MADCAM1: variants seen among roughly 807,000 people sequenced by gnomAD.
The protein encoded by MADCAM1 is mucosal vascular addressin cell adhesion molecule 1.
In MADCAM1, 19 loss-of-function variants were observed where a neutral mutation model predicts 26.1. The ratio of observed to expected loss-of-function variants is 0.73; its 90% CI spans 0.51 to 1.07. The LOEUF is 1.07. Among genes scored for constraint, MADCAM1 ranks in the 50% least tolerant of loss-of-function variants. The pLI is 0.00. For missense variants in MADCAM1, 514 were observed against 542.1 expected (o/e 0.95, Z 0.51); for synonymous variants, 268 against 260.9 (o/e 1.03, Z -0.26).
Position 505,016 on chromosome 19 carries a change from T to G in MADCAM1, c.*51T>G, listed in dbSNP as rs777139660. ...GCAAAATAGCTTGGACCCCTTCAAG[T>G]TGAGAACTGGTCAGGGCAAACCTGC... On this transcript the variant is annotated 3_prime_UTR_variant, in exon 5 of 5. Coordinates refer to ENST00000215637, the MANE Select transcript of MADCAM1 (RefSeq NM_130760.3). 2.6e-5 allele frequency: 36 copies of G among 1,402,838 alleles called. No individual in the cohort carries two copies. The highest frequency in any genetic ancestry group is 3.6e-4 in the Middle Eastern group (2 of 5,532). The allele number at this position is 1,402,838 out of a possible 1,614,324, so 86.9% of individuals were successfully genotyped here.
intron 2 of MADCAM1, 94 bp from the exon 3 acceptor site, chr19:498,402 T>G: frequency 7.7e-7 from 1 of 1,301,638 alleles, no homozygotes; most frequent in Non-Finnish European, 9.9e-7. Context: ...CACGCATCCT[T>G]GGCCCCAGCT....
intron 3 of MADCAM1, among the ~76,000 whole-genome samples, chr19:501,358 G>A (rs1473562978): frequency 2.0e-5 from 3 of 151,168 alleles, no homozygotes; most frequent in Admixed American, 6.6e-5. Context: ...GGTGGCAAGC[G>A]CCTGTGATCC....
At chr19:499,636 C>T (rs1473712798) in intron 3 of MADCAM1, among the ~76,000 whole-genome samples, 1 of 152,236 alleles carries the variant, frequency 6.6e-6, no homozygotes. Context: ...CCCCCAGTCC[C>T]GTACATTCTC....
rs369277108 is a variant in MADCAM1 at position 503,357 on chromosome 19, G to T, written c.929-1388G>T. On this transcript the variant is annotated intron_variant, in intron 4 of 4. Coordinates refer to ENST00000215637, the MANE Select transcript of MADCAM1 (RefSeq NM_130760.3). ...TGCACTTTGGGAGGCCAAGGCGGGC[G>T]GATCACGAGGTCAGGAGATCGAGAC... Among the ~76,000 whole-genome samples the T allele has an allele frequency of 4.6e-5, 7 of 151,374 alleles. No individual in the cohort carries two copies. In the East Asian group the frequency reaches 5.9e-4, roughly 13 times the overall value.
intron 4 of MADCAM1, among the ~76,000 whole-genome samples, chr19:503,770 C>G (rs548648473): frequency 1.3e-5 from 2 of 151,860 alleles, no homozygotes; most frequent in African/African-American, 4.8e-5. Context: ...AAGTGTTGGC[C>G]AGACACGGTG....
rs374689202 is a variant in MADCAM1 at position 504,775 on chromosome 19, C to T, written c.959C>T (p.Ala320Val). The change falls in exon 5 of 5, where the codon GCG (alanine) becomes GTG (valine). Residue 320 changes from alanine (A) to valine (V), a missense_variant. Ala to Val is a moderately conservative substitution (Grantham distance 64). Transcript: ENST00000215637. ...AAACCTGCGGGTGACCAGCTGCCCG[C>T]GGCTCTGTGGACCAGCAGTGCGGTG... ...SSKPAGDQLP[A>V]ALWTSSAVLG... 5.6e-6 allele frequency: 9 copies of T among 1,608,870 alleles called. No homozygotes were observed. Among genetic ancestry groups the T allele is most frequent in the Middle Eastern group, 1.7e-4 (1 of 6,030 alleles).
chr19:504,660 G>A (rs1978521737), intron 4 of MADCAM1, 85 bp from the exon 5 acceptor site: 14 of 935,972 alleles, frequency 1.5e-5, no homozygotes, highest in Admixed American at 6.8e-5. Flanking sequence ...TTGGAAGCAC[G>A]TGTAGCCTCT....
intron 3 of MADCAM1, chr19:499,316 G>C (rs1365239420): frequency 2.2e-6 from 1 of 458,072 alleles, no homozygotes; most frequent in Non-Finnish European, 4.4e-6. Context: ...GGTCTCTGTA[G>C]AATGTTGCCT....
intron 4 of MADCAM1, among the ~76,000 whole-genome samples, chr19:502,286 G>A (rs1026373178): frequency 1.3e-5 from 2 of 152,072 alleles, no homozygotes; most frequent in South Asian, 2.1e-4. Context: ...GAAACAATGC[G>A]GCCACATAGG....
chr19:498,648 C>CT lies in MADCAM1; in HGVS notation c.491dup (p.Glu167GlyfsTer128). Reference sequence around the variant, plus strand: ...CCAGGAACTGGAGGGGGCGCAAGCCCTGGGCCCGGAGGTGCAGGAGGAGGA... The same window carrying CT: ...CCAGGAACTGGAGGGGGCGCAAGCCCTTGGGCCCGGAGGTGCAGGAGGAGGA... On this transcript the variant is annotated frameshift_variant, in exon 3 of 5. Coordinates refer to ENST00000215637, the MANE Select transcript of MADCAM1 (RefSeq NM_130760.3). LOFTEE classifies it high-confidence loss of function. 2 of 1,464,022 alleles carry CT rather than the reference C, an allele frequency of 1.4e-6. No individual in the cohort carries two copies. The highest frequency in any genetic ancestry group is 1.8e-6 in the Non-Finnish European group (2 of 1,113,260). 90.7% of individuals were successfully genotyped at this position (1,464,022 alleles called of 1,614,324 possible).
intron 3 of MADCAM1, chr19:499,094 A>T (rs1978304041): frequency 3.0e-6 from 2 of 662,288 alleles, no homozygotes; most frequent in African/African-American, 1.8e-5. Flanking sequence ...GGCCCACAGG[A>T]ACCTGCACGA....
intron 2 of MADCAM1, 33 bp from the exon 3 acceptor site, chr19:498,463 G>C (rs1361716040): frequency 1.4e-6 from 2 of 1,439,236 alleles, no homozygotes; most frequent in Non-Finnish European, 1.8e-6. Context: ...CCTGACTCTG[G>C]GCTCAGCCCT....
chr19:501,818 GCCC>G lies in MADCAM1; in HGVS notation c.821_823del (p.Pro274del), dbSNP rs1555716251. 1 of 1,222,716 alleles carries G rather than the reference GCCC, an allele frequency of 8.2e-7. No individual in the cohort carries two copies. 75.7% of individuals were successfully genotyped at this position (1,222,716 alleles called of 1,614,324 possible). A position where few individuals can be genotyped will look rare whatever the true frequency, so the allele number is the denominator to read the frequency against. On this transcript the variant is annotated inframe_deletion, in exon 4 of 5. Transcript: ENST00000215637. ...TCCCGACAAGACCTCCCCGGAGCCC[GCCC>G]CCCAGCAGGGCTCCACACACACCCC... is the stretch of plus-strand genomic sequence containing the variant.
intron 1 of MADCAM1, among the ~76,000 whole-genome samples, chr19:497,571 G>T (rs926299192): frequency 1.3e-5 from 2 of 151,648 alleles, no homozygotes; most frequent in South Asian, 4.2e-4. Flanking sequence ...GCGGGGCTCC[G>T]CGCGGCCCCC....
Position 504,786 on chromosome 19 carries a change from A to C in MADCAM1, c.970A>C (p.Thr324Pro), listed in dbSNP as rs1978529217. ...TGACCAGCTGCCCGCGGCTCTGTGGACCAGCAGTGCGGTGCTGGGACTGCT... is the reference window on the plus strand; with the variant it reads ...TGACCAGCTGCCCGCGGCTCTGTGGCCCAGCAGTGCGGTGCTGGGACTGCT... ...AGDQLPAALW[T>P]SSAVLGLLLL... The change falls in exon 5 of 5, where the codon ACC (threonine) becomes CCC (proline). Residue 324 changes from threonine (T) to proline (P), a missense_variant. Physicochemically the swap from Thr to Pro is conservative, Grantham distance 38. This residue lies in a region of MADCAM1 where 152 missense variants were observed against 136.7 expected (regional missense o/e 1.11). Transcript: ENST00000215637. 8 of 1,611,314 alleles carry C rather than the reference A, an allele frequency of 5.0e-6. No individual in the cohort carries two copies. Among genetic ancestry groups the C allele is most frequent in the Non-Finnish European group, 6.8e-6 (8 of 1,178,690 alleles).
intron 4 of MADCAM1, among the ~76,000 whole-genome samples, chr19:503,383 C>A (rs181948048): frequency 1.3e-5 from 2 of 150,694 alleles, no homozygotes; most frequent in South Asian, 2.1e-4. Flanking sequence ...AGATCGAGAC[C>A]ATCCTGGCTA....
intron 4 of MADCAM1, among the ~76,000 whole-genome samples, chr19:503,363 C>CCT (rs1326963999): frequency 6.6e-6 from 1 of 150,788 alleles, no homozygotes; most frequent in Non-Finnish European, 1.5e-5. Flanking sequence ...GGGCGGATCA[C>CCT]GAGGTCAGGA....
chr19:501,598 G>A, intron 3 of MADCAM1, 71 bp from the exon 4 acceptor site: 1 of 1,510,500 alleles, frequency 6.6e-7, no homozygotes, highest in Non-Finnish European at 8.9e-7. Context: ...TCATCCAGAT[G>A]CGGAGATTGA....
intron 4 of MADCAM1, among the ~76,000 whole-genome samples, chr19:503,133 CAAG>C (rs1461744181): frequency 1.3e-5 from 2 of 152,160 alleles, no homozygotes; most frequent in Non-Finnish European, 2.9e-5. Flanking sequence ...ATTTGTAAAT[CAAG>C]ACGAGCTTTG....
Sources: gnomAD v4.1 joint callset for allele counts (sites outside exome capture counted in the v4.1 genomes callset) on GRCh38, gnomAD v4.1.1 for gene constraint, gnomAD v4.1.1 regional missense constraint, MANE v1.5 for transcripts, NCBI Gene and HGNC (gene_info 2026-07-23, HGNC 2026-07-21) for gene names.